SYT14: variants seen among roughly 807,000 people sequenced by gnomAD.
The protein encoded by SYT14 is synaptotagmin 14.
Under a neutral mutation model 74.2 loss-of-function variants are expected in SYT14, and 32 were observed. The ratio of observed to expected loss-of-function variants is 0.43; its 90% CI spans 0.33 to 0.58. The LOEUF (loss-of-function observed/expected upper bound fraction) is 0.58. Ranked by LOEUF, SYT14 falls within the 20% of genes least tolerant of loss-of-function variation. The pLI is 0.05. For missense variants in SYT14, 791 were observed against 981.8 expected, an observed-to-expected ratio of 0.81 and a Z score of 2.60; for synonymous variants, 298 against 337.7, an observed-to-expected ratio of 0.88 and a Z score of 1.29.
chr1:210,156,007 CAAAAT>C, intron 8 of SYT14, 97 bp downstream of exon 7: 1 of 1,079,780 alleles, frequency 9.3e-7, no homozygotes, highest in Non-Finnish European at 1.4e-6. Flanking sequence ...CTTAACCAAT[CAAAAT>C]GAAATGGTGT....
chr1:210,097,274 A>G (rs979651474), intron 6 of SYT14, among the ~76,000 whole-genome samples: 1 of 152,226 alleles, frequency 6.6e-6, no homozygotes, highest in African/African-American at 2.4e-5. Context: ...CTTAGAGCCT[A>G]TCTACATACA....
chr1:210,021,953 T>C (rs1262887745), intron 5 of SYT14, among the ~76,000 whole-genome samples: 4 of 152,188 alleles, frequency 2.6e-5, no homozygotes, highest in African/African-American at 9.6e-5. Context: ...GTGACATAAA[T>C]AAGACAGATT....
intron 2 of SYT14, among the ~76,000 whole-genome samples, chr1:209,985,772 C>T (rs1178963702): frequency 1.3e-5 from 2 of 152,220 alleles, no homozygotes; most frequent in African/African-American, 2.4e-5. Flanking sequence ...GCCAAGCTTC[C>T]ACTACTCTTG....
intron 7 of SYT14, among the ~76,000 whole-genome samples, chr1:210,137,429 T>A (rs2082809556): frequency 6.6e-6 from 1 of 152,120 alleles, no homozygotes; most frequent in South Asian, 2.1e-4. Context: ...ATTATAAAGA[T>A]CCTCAAAAAC....
intron 8 of SYT14, among the ~76,000 whole-genome samples, chr1:210,156,212 A>G (rs1160573449): frequency 6.6e-6 from 1 of 152,206 alleles, no homozygotes; most frequent in Non-Finnish European, 1.5e-5. Context: ...AAAGTGAGTA[A>G]TGTTCACAAA....
At chr1:210,155,792 A>T (rs2083256818) in exon 8 of SYT14, 2 of 1,614,138 alleles carry the variant, frequency 1.2e-6, no homozygotes, top group East Asian at 4.5e-5. Flanking sequence ...AGTCTCTTGA[A>T]CATGGCTCAG....
At chr1:210,157,509 C>T (rs1389926731) in intron 8 of SYT14, among the ~76,000 whole-genome samples, 7 of 150,322 alleles carry the variant, frequency 4.7e-5, no homozygotes, top group Non-Finnish European at 8.9e-5. Flanking sequence ...TTTAGGAGGC[C>T]GAGGCGGGTG....
chr1:210,138,253 A>T, intron 7 of SYT14, among the ~76,000 whole-genome samples: 1 of 152,200 alleles, frequency 6.6e-6, no homozygotes, highest in East Asian at 1.9e-4. Context: ...CAGGCAAGAG[A>T]GCCTGTGCAG....
chr1:209,996,752 A>G (rs1006381484), intron 2 of SYT14, among the ~76,000 whole-genome samples: 1 of 152,224 alleles, frequency 6.6e-6, no homozygotes, highest in African/African-American at 2.4e-5. Flanking sequence ...CAGCATATCA[A>G]AAAGTTAATT....
rs1553289531 is a variant in SYT14, at chr1:210,151,511, C to CCG, written c.2035-4209_2035-4208insGC. ...CTGAAATTATAGGCGAATGCCCCCC[C>CCG]CCTTTTTTTTTTTTTTAACTACAGT... is the stretch of plus-strand genomic sequence containing the variant. On this transcript the variant is annotated intron_variant, in intron 7 of 9. Coordinates refer to ENST00000637265, the Ensembl canonical transcript of SYT14. Among the ~76,000 whole-genome samples, 30 of 139,708 alleles carry CCG rather than the reference C, an allele frequency of 2.1e-4. 2 individuals carry two copies. The highest frequency in any genetic ancestry group is 3.6e-3 in the Middle Eastern group (1 of 280). The allele number at this position is 139,708 out of a possible 152,430, so 91.7% of individuals were successfully genotyped here.
intron 5 of SYT14, among the ~76,000 whole-genome samples, chr1:210,034,218 C>G (rs1182691865): frequency 6.6e-6 from 1 of 151,688 alleles, no homozygotes; most frequent in Non-Finnish European, 1.5e-5. Context: ...AAGGTTAATA[C>G]AAGTGTATGG....
intron 5 of SYT14, among the ~76,000 whole-genome samples, chr1:210,055,778 T>G (rs1286660017): frequency 1.3e-5 from 2 of 149,406 alleles, no homozygotes; most frequent in African/African-American, 4.9e-5. Flanking sequence ...GAACTCGAAA[T>G]TAAAAAAAAA....
chr1:210,021,421 C>T (rs544424318), intron 5 of SYT14, among the ~76,000 whole-genome samples, 167 bp downstream of exon 4: 2 of 152,162 alleles, frequency 1.3e-5, no homozygotes, highest in Admixed American at 1.3e-4. Flanking sequence ...GGGCTCAGGC[C>T]AAAAATCAAA....
At chr1:210,072,132 GAT>G (rs34290398) in intron 5 of SYT14, among the ~76,000 whole-genome samples, 24,141 of 146,204 alleles carry the variant, frequency 0.17, 6,163 homozygotes, top group African/African-American at 0.55. Context: ...GTTAATTAAA[GAT>G]ATATATATAT....
At chr1:210,083,164 G>A (rs929660913) in intron 5 of SYT14, among the ~76,000 whole-genome samples, 1 of 151,768 alleles carries the variant, frequency 6.6e-6, no homozygotes, top group East Asian at 1.9e-4. Flanking sequence ...GGGTTTTTTT[G>A]TATTTTTAGT....
At chr1:210,016,081 G>C (rs2080176726) in exon 4 of SYT14, 29 of 1,231,996 alleles carry the variant, frequency 2.4e-5, no homozygotes, top group Non-Finnish European at 2.7e-5. Flanking sequence ...GTGCTGTAGA[G>C]GATTTGACCA....
intron 8 of SYT14, chr1:210,156,852 C>A: frequency 2.5e-6 from 1 of 400,254 alleles, no homozygotes; most frequent in South Asian, 1.8e-5. Flanking sequence ...ACCACCACAC[C>A]TAGCTATTAT....
At chr1:209,976,554 C>T (rs1405844303) in intron 2 of SYT14, among the ~76,000 whole-genome samples, 1 of 151,604 alleles carries the variant, frequency 6.6e-6, no homozygotes, top group Admixed American at 6.6e-5. Flanking sequence ...TTTGATTGCA[C>T]TGTGGTCTGA....
exon 10 of SYT14, chr1:210,169,966 TC>T (rs2083506077): frequency 6.6e-6 from 1 of 151,898 alleles, no homozygotes; most frequent in Non-Finnish European, 1.5e-5. Flanking sequence ...CTTCCCTCCC[TC>T]CTTCCTTCCT....
Sources: gnomAD v4.1 joint callset for allele counts (sites outside exome capture counted in the v4.1 genomes callset) on GRCh38, gnomAD v4.1.1 for gene constraint, MANE v1.5 for transcripts, NCBI Gene and HGNC (gene_info 2026-07-23, HGNC 2026-07-21) for gene names.